PTCHD4: variants seen among roughly 807,000 people sequenced by gnomAD.
PTCHD4 encodes the protein patched domain containing 4.
A neutral mutation model predicts 58.1 loss-of-function variants in PTCHD4; 33 were observed. The observed-to-expected ratio is 0.57, with a 90% CI of 0.43 to 0.76. PTCHD4 has a LOEUF of 0.76. Ranked by LOEUF, PTCHD4 falls within the 30% of genes least tolerant of loss-of-function variation. The pLI is 0.00. For missense variants in PTCHD4, 1,058 were observed against 1,027.1 expected (o/e 1.03, Z -0.41); for synonymous variants, 478 against 409.6 (o/e 1.17, Z -2.02).
intron 1 of PTCHD4, among the ~76,000 whole-genome samples, chr6:48,100,556 G>A (rs1026229848): frequency 6.6e-6 from 1 of 152,114 alleles, no homozygotes; most frequent in Non-Finnish European, 1.5e-5. Context: ...TCATCCCACA[G>A]GATTTAGAAT....
chr6:48,058,133 G>C (rs1458582807), intron 3 of PTCHD4, among the ~76,000 whole-genome samples: 1 of 152,196 alleles, frequency 6.6e-6, no homozygotes, highest in Non-Finnish European at 1.5e-5. Flanking sequence ...TCTCTAGATG[G>C]GATCCATGAA....
rs1764895442 is a variant in PTCHD4 at position 48,068,700 on chromosome 6, C to A, written c.6-59G>T. 1 of 1,454,538 alleles carries A rather than the reference C, an allele frequency of 6.9e-7. No homozygotes were observed. Among genetic ancestry groups the A allele is most frequent in the Non-Finnish European group, 9.1e-7 (1 of 1,097,580 alleles). The allele number at this position is 1,454,538 out of a possible 1,614,324, so 90.1% of individuals were successfully genotyped here. A position where few individuals can be genotyped will look rare whatever the true frequency, so the allele number is the denominator to read the frequency against. ...GGCTACCCCGTTCTCCCCCATCCCA[C>A]CCCCTGGGGCCAGTCCCCCCTCCCC... On this transcript the variant is annotated intron_variant, in intron 2 of 4. Coordinates refer to ENST00000339488, the MANE Select transcript of PTCHD4 (RefSeq NM_001384253.1). The surrounding 1 kb of genome is among the most constrained non-coding windows in gnomAD (Gnocchi z 4.2).
rs1763739673 is a variant in PTCHD4 at position 47,872,379 on chromosome 6, A to C, written c.*5924T>G. ...CTTGTGGGCAATGTGCTTACTCTAC[A>C]AACTGTGGCAACAGAGGGAAAGAAA... On this transcript the variant is annotated 3_prime_UTR_variant, in exon 5 of 5. Coordinates refer to ENST00000339488, the MANE Select transcript of PTCHD4 (RefSeq NM_001384253.1). Among the ~76,000 whole-genome samples the C allele has an allele frequency of 1.3e-5, 2 of 151,628 alleles. No homozygotes were observed. Among genetic ancestry groups the C allele is most frequent in the Admixed American group, 1.3e-4 (2 of 15,186 alleles).
At chr6:47,903,591 T>A (rs9357563) in intron 4 of PTCHD4, among the ~76,000 whole-genome samples, 100,509 of 151,994 alleles carry the variant, frequency 0.66, 33,546 homozygotes, top group East Asian at 0.78. Flanking sequence ...CTGGGATTAC[T>A]GGTATAAGCA....
chr6:48,059,339 T>C (rs1420587750), intron 3 of PTCHD4, among the ~76,000 whole-genome samples: 1 of 152,080 alleles, frequency 6.6e-6, no homozygotes, highest in Non-Finnish European at 1.5e-5. Flanking sequence ...AGGGAAGTGT[T>C]ACAAAGAAGT....
At chr6:48,026,743 T>C (rs1763259701) in intron 3 of PTCHD4, among the ~76,000 whole-genome samples, 1 of 152,050 alleles carries the variant, frequency 6.6e-6, no homozygotes, top group Non-Finnish European at 1.5e-5. Flanking sequence ...TTTCATCCAC[T>C]CAGATGGGCT....
chr6:47,975,798 T>C (rs1293885558), intron 4 of PTCHD4, among the ~76,000 whole-genome samples: 1 of 152,226 alleles, frequency 6.6e-6, no homozygotes, highest in Non-Finnish European at 1.5e-5. Flanking sequence ...CCTTGGAAAG[T>C]GCATAGTGTG....
intron 4 of PTCHD4, among the ~76,000 whole-genome samples, chr6:47,958,961 A>G (rs1467330496): frequency 5.3e-5 from 8 of 152,210 alleles, no homozygotes; most frequent in Admixed American, 3.9e-4. Context: ...AGTTTCCAAG[A>G]AAGAAAACTG....
chr6:47,915,098 A>G (rs1267527114), intron 4 of PTCHD4, among the ~76,000 whole-genome samples: 1 of 152,090 alleles, frequency 6.6e-6, no homozygotes, highest in Non-Finnish European at 1.5e-5. Context: ...TGGTAATTCC[A>G]TGGAAAAGAA....
chr6:47,948,617 A>T (rs925747098), intron 4 of PTCHD4, among the ~76,000 whole-genome samples: 1 of 152,176 alleles, frequency 6.6e-6, no homozygotes, highest in African/African-American at 2.4e-5. Context: ...TGTTCTCTCC[A>T]TTCCTTTGTC....
intron 4 of PTCHD4, chr6:47,899,657 A>T: frequency 1.5e-6 from 1 of 655,998 alleles, no homozygotes; most frequent in Non-Finnish European, 1.9e-6. Flanking sequence ...CAATTCATTG[A>T]TTAAAAGTGT....
intron 4 of PTCHD4, among the ~76,000 whole-genome samples, chr6:47,955,080 C>T (rs1766802782): frequency 6.6e-6 from 1 of 152,156 alleles, no homozygotes. Context: ...CTGAGTGGAG[C>T]AGAGGTGAGT....
intron 1 of PTCHD4, among the ~76,000 whole-genome samples, chr6:48,088,412 A>C (rs1208650258): frequency 6.6e-6 from 1 of 152,188 alleles, no homozygotes; most frequent in East Asian, 1.9e-4. Flanking sequence ...ATAAAAAGCA[A>C]TTGACCTTTT....
intron 1 of PTCHD4, among the ~76,000 whole-genome samples, chr6:48,109,130 G>GT (rs35797021): frequency 3.3e-5 from 5 of 152,090 alleles, no homozygotes; most frequent in Non-Finnish European, 7.4e-5. Context: ...AAGTAGTACT[G>GT]TTTTAAATGA....
At chr6:47,971,640 G>A (rs1301693849) in intron 4 of PTCHD4, among the ~76,000 whole-genome samples, 2 of 152,138 alleles carry the variant, frequency 1.3e-5, no homozygotes, top group South Asian at 2.1e-4. Flanking sequence ...TGTGAGGATG[G>A]AATAAAAACA....
intron 1 of PTCHD4, among the ~76,000 whole-genome samples, chr6:48,103,503 A>T (rs1221820051): frequency 6.6e-6 from 1 of 152,194 alleles, no homozygotes; most frequent in South Asian, 2.1e-4. Context: ...AAGATGGGAA[A>T]AAACAGCAGA....
At chr6:48,006,077 T>C (rs1021876053) in intron 4 of PTCHD4, among the ~76,000 whole-genome samples, 3 of 152,176 alleles carry the variant, frequency 2.0e-5, no homozygotes, top group African/African-American at 7.2e-5. Context: ...GGTCTTCTGT[T>C]GGTATGTTTT....
chr6:48,100,896 C>T (rs1484055455), intron 1 of PTCHD4, among the ~76,000 whole-genome samples: 1 of 151,852 alleles, frequency 6.6e-6, no homozygotes, highest in African/African-American at 2.4e-5. Flanking sequence ...ACATGGTAAA[C>T]AAATAACCTA....
At position 47,879,473 on chromosome 6, in the gene PTCHD4, C is replaced by G. The variant is rs769814947; in HGVS notation, c.1362G>C (p.Trp454Cys). ...ATGGCTTCACATATATATTGGTAATCCATTCATTATAATGTTCACGGAGGA... is the reference window on the plus strand; with the variant it reads ...ATGGCTTCACATATATATTGGTAATGCATTCATTATAATGTTCACGGAGGA... ...QHFLREHYNE[W>C]ITNIYVKPFV... Residue 454 changes from tryptophan to cysteine, a missense_variant, in exon 5 of 5, where the codon TGG becomes TGC. Physicochemically the swap from Trp to Cys is radical, Grantham distance 215. Coordinates refer to ENST00000339488, the MANE Select transcript of PTCHD4 (RefSeq NM_001384253.1). 1.5e-5 allele frequency: 24 copies of G among 1,613,486 alleles called. No individual in the cohort carries two copies. In the African/African-American group the frequency reaches 3.1e-4, roughly 21 times the overall value.
Sources: allele counts gnomAD v4.1 joint callset (sites outside exome capture counted in the v4.1 genomes callset), GRCh38; gene constraint gnomAD v4.1.1; non-coding constraint Gnocchi (gnomAD v3.1); transcripts MANE v1.5; gene names NCBI Gene and HGNC (gene_info 2026-07-23, HGNC 2026-07-21).